The following TCF20 variants were observed in gnomAD, a reference collection of about 807,000 sequenced individuals.
The protein encoded by TCF20 is transcription factor 20.
TCF20 carries 3 observed loss-of-function variants against 148.6 expected under a neutral mutation model. That is an observed-to-expected ratio of 0.02 (90% CI 0.01 to 0.05). The LOEUF (loss-of-function observed/expected upper bound fraction) is 0.05. Ranked by LOEUF, TCF20 falls within the 10% of genes least tolerant of loss-of-function variation. The probability of loss-of-function intolerance (pLI) is 1.00; values close to 1 mark genes in which losing one functional copy is unlikely to be tolerated. For missense variants in TCF20, 2,350 were observed against 2,429.3 expected, an observed-to-expected ratio of 0.97 and a Z score of 0.69; for synonymous variants, 1,049 against 909.5, an observed-to-expected ratio of 1.15 and a Z score of -2.76.
rs1013326103 is a variant in TCF20, at chr22:42,211,169, C to T, written c.4137G>A (p.Thr1379=). 19 of 1,614,162 alleles carry T rather than the reference C, an allele frequency of 1.2e-5. No individual in the cohort carries two copies. Among genetic ancestry groups the T allele is most frequent in the East Asian group, 4.5e-5 (2 of 44,882 alleles). Reference sequence around the variant, plus strand: ...AAGACAGTATATCATCAAGCGTAACCGTGTCTCCCCCAGCCTCCGCACTGT... The same window carrying T: ...AAGACAGTATATCATCAAGCGTAACTGTGTCTCCCCCAGCCTCCGCACTGT... ...SSNSAEAGGD[T]VTLDDILSLK... The change falls in exon 2 of 6, where the codon ACG becomes ACA. Residue 1379 remains threonine (T), a synonymous_variant. Transcript: ENST00000677622.
At chr22:42,226,486 C>A (rs1410465032) in intron 1 of TCF20, among the ~76,000 whole-genome samples, 1 of 152,086 alleles carries the variant, frequency 6.6e-6, no homozygotes, top group Non-Finnish European at 1.5e-5. Context: ...GCAGATCACA[C>A]CTGAGGTCAG....
intron 2 of TCF20, among the ~76,000 whole-genome samples, chr22:42,199,332 C>G (rs985163206): frequency 5.3e-5 from 8 of 152,054 alleles, no homozygotes; most frequent in African/African-American, 1.9e-4. Flanking sequence ...ATGGGCAGAG[C>G]GACGATTCCC....
At chr22:42,162,808 C>T (rs376657747) in intron 5 of TCF20, among the ~76,000 whole-genome samples, 3 of 152,312 alleles carry the variant, frequency 2.0e-5, no homozygotes, top group Admixed American at 1.3e-4. Flanking sequence ...CTGGGGCCTG[C>T]GGGAGCTAAG....
chr22:42,294,909 G>C (rs1435723789), intron 1 of TCF20, among the ~76,000 whole-genome samples: 1 of 152,194 alleles, frequency 6.6e-6, no homozygotes, highest in African/African-American at 2.4e-5. Context: ...CCTCAGATAG[G>C]ATCCAAAGGT....
chr22:42,170,592 C>G (rs549453899), intron 3 of TCF20, among the ~76,000 whole-genome samples: 24 of 126,458 alleles, frequency 1.9e-4, no homozygotes, highest in African/African-American at 7.1e-4. Flanking sequence ...CACACCACTG[C>G]ACTCCAGCCT....
Position 42,210,570 on chromosome 22 carries a change from T to A in TCF20, c.4736A>T (p.Lys1579Ile), listed in dbSNP as rs1297149472. ...GSADGEPKPK[K>I]QRQRRERRKP... ...CCTTCTCTCCCTCCTTTGCCTCTGT[T>A]TTTTTGGCTTTGGCTCTCCATCTGC... The change falls in exon 2 of 6, where the codon AAA (lysine) becomes ATA (isoleucine). Residue 1579 changes from lysine to isoleucine, a missense_variant. By Grantham distance (102) the Lys-to-Ile change is moderately radical (BLOSUM62 -3). Transcript: ENST00000677622. The surrounding 1 kb of genome is among the most constrained non-coding windows in gnomAD (Gnocchi z 4.7). The A allele has an allele frequency of 1.2e-6, 2 of 1,614,168 alleles. No individual in the cohort carries two copies. The highest frequency in any genetic ancestry group is 3.3e-5 in the Admixed American group (2 of 60,022).
intron 1 of TCF20, among the ~76,000 whole-genome samples, chr22:42,339,173 C>T (rs1221699365): frequency 2.0e-5 from 3 of 152,226 alleles, no homozygotes; most frequent in Non-Finnish European, 4.4e-5. Context: ...AAGGCTCAGA[C>T]TCCTGGCCTA....
chr22:42,312,712 G>C (rs1444699075), intron 1 of TCF20, among the ~76,000 whole-genome samples: 2 of 152,132 alleles, frequency 1.3e-5, no homozygotes, highest in African/African-American at 4.8e-5. Context: ...TCCCTGCTGA[G>C]CCTCAGGCTC....
chr22:42,176,215 C>A (rs1385600532), intron 3 of TCF20, among the ~76,000 whole-genome samples: 2 of 152,222 alleles, frequency 1.3e-5, no homozygotes, highest in Non-Finnish European at 2.9e-5. Context: ...CTGGCATCAG[C>A]ATTATCTTCT....
In TCF20 at chr22:42,205,935, C is replaced by G. The variant is rs117436464; in HGVS notation, c.5655+3716G>C. Reference sequence around the variant, plus strand: ...TACAGGTGCCTGTCACCATGTCCAGCTAATTTTTGCATATTTTTAGTAGAC... The same window carrying G: ...TACAGGTGCCTGTCACCATGTCCAGGTAATTTTTGCATATTTTTAGTAGAC... On this transcript the variant is annotated intron_variant, in intron 2 of 5. Transcript: ENST00000677622. 2.6e-4 allele frequency among the ~76,000 whole-genome samples: 40 copies of G among 152,264 alleles called. 2 individuals carry two copies. In the East Asian group the frequency reaches 7.7e-3, roughly 29 times the overall value.
chr22:42,221,013 T>C (rs138500191), intron 1 of TCF20, among the ~76,000 whole-genome samples: 94 of 152,318 alleles, frequency 6.2e-4, no homozygotes, highest in African/African-American at 2.2e-3. Flanking sequence ...TTCTGCATTG[T>C]TGTCAACTCA....
At chr22:42,278,344 A>T (rs134889) in intron 1 of TCF20, 84,552 of 152,182 alleles carry the variant, frequency 0.56, 24,872 homozygotes, top group Non-Finnish European at 0.66. Context: ...AGAGGGCGGG[A>T]CCTCAGCAAA....
At chr22:42,307,104 C>A (rs1025111945) in intron 1 of TCF20, among the ~76,000 whole-genome samples, 1 of 151,626 alleles carries the variant, frequency 6.6e-6, no homozygotes, top group Non-Finnish European at 1.5e-5. Context: ...CCAACCCGAG[C>A]CATCTGGTGG....
At chr22:42,314,070 C>T (rs116488881) in intron 1 of TCF20, among the ~76,000 whole-genome samples, 2,412 of 152,336 alleles carry the variant, frequency 0.016, 57 homozygotes, top group African/African-American at 0.055. Context: ...GCCTACATAG[C>T]GCCTGCAACA....
At chr22:42,332,437 C>A (rs753169668) in intron 1 of TCF20, among the ~76,000 whole-genome samples, 4 of 152,120 alleles carry the variant, frequency 2.6e-5, no homozygotes, top group Admixed American at 6.5e-5. Context: ...TAAGCAAGGG[C>A]AGCACTCTGG....
chr22:42,268,509 C>G (rs1163513803), intron 1 of TCF20, among the ~76,000 whole-genome samples: 1 of 152,176 alleles, frequency 6.6e-6, no homozygotes, highest in Non-Finnish European at 1.5e-5. Flanking sequence ...ACTTCATCCC[C>G]CTACTCTGAG....
intron 1 of TCF20, among the ~76,000 whole-genome samples, chr22:42,258,819 G>A (rs1198696733): frequency 6.6e-6 from 1 of 152,052 alleles, no homozygotes; most frequent in Non-Finnish European, 1.5e-5. Context: ...ACTTAGGACG[G>A]ATGGGTTTAT....
In TCF20 at chr22:42,214,539, G is replaced by C. The variant is rs1271766067; in HGVS notation, c.767C>G (p.Ser256Cys). Residue 256 changes from serine (S) to cysteine (C), a missense_variant, in exon 2 of 6, where the codon TCT becomes TGT. Transcript: ENST00000677622. ...SFPSPQRFSQSGQSYDGSYNV... is the reference protein window; with the variant it reads ...SFPSPQRFSQCGQSYDGSYNV... ...GTAACTGCCATCATAGCTCTGTCCA[G>C]ACTGGCTAAAACGCTGTGGTGAAGG... 5.0e-6 allele frequency: 8 copies of C among 1,614,070 alleles called. No individual in the cohort carries two copies. Among genetic ancestry groups the C allele is most frequent in the Non-Finnish European group, 6.8e-6 (8 of 1,180,044 alleles).
intron 1 of TCF20, among the ~76,000 whole-genome samples, chr22:42,316,352 C>T (rs538788096): frequency 6.6e-6 from 1 of 152,172 alleles, no homozygotes; most frequent in South Asian, 2.1e-4. Context: ...AATGTGACAC[C>T]CAAAAGAGCA....
Sources: allele counts gnomAD v4.1 joint callset (sites outside exome capture counted in the v4.1 genomes callset), GRCh38; gene constraint gnomAD v4.1.1; non-coding constraint Gnocchi (gnomAD v3.1); transcripts MANE v1.5; gene names NCBI Gene and HGNC (gene_info 2026-07-23, HGNC 2026-07-21).